Variants in CCDC121 observed in about 807,000 individuals in gnomAD.
The protein encoded by CCDC121 is coiled-coil domain containing 121, also known as coiled-coil domain-containing protein 121.
For synonymous variants in CCDC121, 108 were observed against 120.0 expected (o/e 0.90, Z 0.65); for missense variants, 238 against 304.1 (o/e 0.78, Z 1.62).
chr2:27,626,718 T>C lies in CCDC121; in HGVS notation c.*245A>G, dbSNP rs1673287919. ...AAATGGCTAGGTTAGGGTCATGTGT[T>C]AGGTTAACTGGAGGTTTGTGGAATA... On this transcript the variant is annotated 3_prime_UTR_variant, in exon 2 of 2. Transcript: ENST00000324364. 1 of 413,914 alleles carries C rather than the reference T, an allele frequency of 2.4e-6. No homozygotes were observed. Among genetic ancestry groups the C allele is most frequent in the African/African-American group, 2.0e-5 (1 of 49,216 alleles). The allele number at this position is 413,914 out of a possible 1,614,324, so 25.6% of individuals were successfully genotyped here.
rs1673293913 is a variant in CCDC121 at position 27,626,876 on chromosome 2, T to G, written c.*87A>C. On this transcript the variant is annotated 3_prime_UTR_variant, in exon 2 of 2. Transcript: ENST00000324364. ...TGATGGAGATTTTACAATAGCAATCTGGAATCCAACAGCCTTTCTAACCAG... is the reference window on the plus strand; with the variant it reads ...TGATGGAGATTTTACAATAGCAATCGGGAATCCAACAGCCTTTCTAACCAG... 1.1e-6 allele frequency: 1 copy of G among 939,278 alleles called. No individual in the cohort carries two copies. Among genetic ancestry groups the G allele is most frequent in the Non-Finnish European group, 1.6e-6 (1 of 615,432 alleles). The allele number at this position is 939,278 out of a possible 1,614,324, so 58.2% of individuals were successfully genotyped here. A position where few individuals can be genotyped will look rare whatever the true frequency, so the allele number is the denominator to read the frequency against.
chr2:27,628,235 G>T (rs771624831), intron 1 of CCDC121: 70 of 735,998 alleles, frequency 9.5e-5, no homozygotes, highest in Admixed American at 2.0e-4. Context: ...CAGATCTTAT[G>T]ACTTACTGAA....
At chr2:27,628,864 C>A (rs1445989063) in intron 1 of CCDC121, 86 bp downstream of exon 1, 1 of 1,465,022 alleles carries the variant, frequency 6.8e-7, no homozygotes, top group Non-Finnish European at 9.0e-7. Flanking sequence ...TGCTCAGCGC[C>A]CCCACTTCCT....
chr2:27,626,807 G>A lies in CCDC121; in HGVS notation c.*156C>T, dbSNP rs1673291706. 1.6e-6 allele frequency: 1 copy of A among 606,254 alleles called. No homozygotes were observed. Among genetic ancestry groups the A allele is most frequent in the Non-Finnish European group, 2.9e-6 (1 of 339,784 alleles). 37.6% of individuals were successfully genotyped at this position (606,254 alleles called of 1,614,324 possible). ...GAAGCTGGTTACCAAATATCTAGTA[G>A]GACTGTTGGATAAAACCATCTAATC... On this transcript the variant is annotated 3_prime_UTR_variant, in exon 2 of 2. Coordinates refer to ENST00000324364, the MANE Select transcript of CCDC121 (RefSeq NM_024584.5).
chr2:27,627,086 C>T lies in CCDC121; in HGVS notation c.714G>A (p.Glu238=). ...GTCTCTGCCTCGCCTGGATTAAGGA[C>T]TCCAGATACCACTGTTCCTGCTGCA... ...QQLQQEQWYL[E]SLIQARQRLQ... is the part of the protein sequence containing the mutation. The change falls in exon 2 of 2, where the codon GAG becomes GAA. Residue 238 remains glutamate (E), a synonymous_variant. Coordinates refer to ENST00000324364, the MANE Select transcript of CCDC121 (RefSeq NM_024584.5). 6.2e-7 allele frequency: 1 copy of T among 1,614,200 alleles called. No individual in the cohort carries two copies. Among genetic ancestry groups the T allele is most frequent in the Non-Finnish European group, 8.5e-7 (1 of 1,180,022 alleles).
chr2:27,627,731 C>G lies in CCDC121; in HGVS notation c.69G>C (p.Arg23Ser). Residue 23 changes from arginine to serine, a missense_variant, in exon 2 of 2, where the codon AGG becomes AGC. Physicochemically the swap from Arg to Ser is moderately radical, Grantham distance 110 (BLOSUM62 -1). Transcript: ENST00000324364. ...TQRKQLLEES[R>S]ELHREKLLVQ... ...CAAGTAACTTTTCTCGGTGTAGCTC[C>G]CTGGATTCCTCCAGTAGCTGTTTCC... is the stretch of plus-strand genomic sequence containing the variant. The G allele has an allele frequency of 6.2e-7, 1 of 1,613,660 alleles. No individual in the cohort carries two copies. The highest frequency in any genetic ancestry group is 8.5e-7 in the Non-Finnish European group (1 of 1,179,940).
Position 27,627,400 on chromosome 2 carries a change from C to T in CCDC121, c.400G>A (p.Glu134Lys), listed in dbSNP as rs1371397723. Residue 134 changes from glutamate to lysine, a missense_variant, in exon 2 of 2, where the codon GAG becomes AAG. By Grantham distance (56) the Glu-to-Lys change is moderately conservative. Transcript: ENST00000324364. Reference sequence around the variant, plus strand: ...ACTTCCCGTGTCTTTGAAGCTGTCTCAGCTTGGACTTTCTTTGTCTCCTCC... The same window carrying T: ...ACTTCCCGTGTCTTTGAAGCTGTCTTAGCTTGGACTTTCTTTGTCTCCTCC... ...LQEETKKVQA[E>K]TASKTREVQA... 1.9e-6 allele frequency: 3 copies of T among 1,614,104 alleles called. No homozygotes were observed. The highest frequency in any genetic ancestry group is 2.7e-5 in the African/African-American group (2 of 74,930).
At position 27,626,056 on chromosome 2, in the gene CCDC121, A is replaced by G. The variant is rs1471060861; in HGVS notation, c.*907T>C. On this transcript the variant is annotated 3_prime_UTR_variant, in exon 2 of 2. Transcript: ENST00000324364. ...GGGAATAAACATATGGCACACATTA[A>G]TTACAAAGGATACTTCATGTACTAG... 1 of 152,302 alleles carries G rather than the reference A, an allele frequency of 6.6e-6. No homozygotes were observed. Among genetic ancestry groups the G allele is most frequent in the Non-Finnish European group, 1.5e-5 (1 of 68,030 alleles). 9.4% of individuals were successfully genotyped at this position (152,302 alleles called of 1,614,324 possible).
At chr2:27,627,984 C>G (rs1673349020) in intron 1 of CCDC121, 67 bp from the exon 2 acceptor site, 3 of 1,055,072 alleles carry the variant, frequency 2.8e-6, no homozygotes. Context: ...GCACAACTGT[C>G]CTTCATTCAT....
rs575792162 is a variant in CCDC121, at chr2:27,625,995, A to G, written c.*968T>C. 1.0e-3 allele frequency: 158 copies of G among 151,930 alleles called. No individual in the cohort carries two copies. The highest frequency in any genetic ancestry group is 3.4e-3 in the African/African-American group (142 of 41,372). The allele number at this position is 151,930 out of a possible 1,614,324, so 9.4% of individuals were successfully genotyped here. ...AAAAAAATATAACTATCCTAAAAAT[A>G]TATAATTTAAAATATAATTTATAGT... On this transcript the variant is annotated 3_prime_UTR_variant, in exon 2 of 2. Coordinates refer to ENST00000324364, the MANE Select transcript of CCDC121 (RefSeq NM_024584.5).
At position 27,626,304 on chromosome 2, in the gene CCDC121, T is replaced by A. The variant is rs1359819770; in HGVS notation, c.*659A>T. ...CAGGTGTTTCTTCAAATAAAACATT[T>A]TCAAAAGTAAGAGCTGACCTAATAT... On this transcript the variant is annotated 3_prime_UTR_variant, in exon 2 of 2. Coordinates refer to ENST00000324364, the MANE Select transcript of CCDC121 (RefSeq NM_024584.5). 1 of 152,358 alleles carries A rather than the reference T, an allele frequency of 6.6e-6. No homozygotes were observed. Among genetic ancestry groups the A allele is most frequent in the East Asian group, 1.9e-4 (1 of 5,338 alleles). The allele number at this position is 152,358 out of a possible 1,614,324, so 9.4% of individuals were successfully genotyped here.
rs759153977 is a variant in CCDC121, at chr2:27,627,436, G to A, written c.364C>T (p.Gln122Ter). 2.5e-6 allele frequency: 4 copies of A among 1,614,132 alleles called. No individual in the cohort carries two copies. In the South Asian group the frequency reaches 3.3e-5, roughly 13 times the overall value. ...ILKEKQEKEI[Q>*]TLQEETKKVQ... ...TTCTTTGTCTCCTCCTGTAATGTCT[G>A]TATTTCTTTCTCCTGCTTTTCCTTT... Residue 122 changes from glutamine to a stop codon, truncating the protein, a stop_gained, in exon 2 of 2, where the codon CAG (glutamine) becomes TAG (stop). Coordinates refer to ENST00000324364, the MANE Select transcript of CCDC121 (RefSeq NM_024584.5). LOFTEE classifies it low-confidence loss of function (END_TRUNC).
chr2:27,629,000 CG>C lies in CCDC121; in HGVS notation c.-170del, dbSNP rs757949322. 6 of 1,608,532 alleles carry C rather than the reference CG, an allele frequency of 3.7e-6. No homozygotes were observed. Among genetic ancestry groups the C allele is most frequent in the Non-Finnish European group, 5.1e-6 (6 of 1,177,194 alleles). On this transcript the variant is annotated 5_prime_UTR_variant, in exon 1 of 2. Coordinates refer to ENST00000324364, the MANE Select transcript of CCDC121 (RefSeq NM_024584.5). ...TTTTCGTTCGCAGCCCAGAACATTG[CG>C]GAAGTTTCTCTACCCATGCGGTGTC...
At position 27,627,414 on chromosome 2, in the gene CCDC121, T is replaced by C; in HGVS notation, c.386A>G (p.Lys129Arg). Residue 129 changes from lysine (K) to arginine (R), a missense_variant, in exon 2 of 2, where the codon AAG becomes AGG. Transcript: ENST00000324364. ...KEIQTLQEET[K>R]KVQAETASKT... ...TGAAGCTGTCTCAGCTTGGACTTTC[T>C]TTGTCTCCTCCTGTAATGTCTGTAT... is the stretch of plus-strand genomic sequence containing the variant. 1 of 1,614,220 alleles carries C rather than the reference T, an allele frequency of 6.2e-7. No individual in the cohort carries two copies.
At chr2:27,628,821 CT>C (rs1360879593) in intron 1 of CCDC121, 128 bp downstream of exon 1, 4 of 1,481,710 alleles carry the variant, frequency 2.7e-6, no homozygotes, top group Admixed American at 2.5e-5. Context: ...GATCAGCGCC[CT>C]TTTCCTAGCT....
At position 27,627,373 on chromosome 2, in the gene CCDC121, G is replaced by A. The variant is rs1329407909; in HGVS notation, c.427C>T (p.Gln143Ter). The A allele has an allele frequency of 1.2e-6, 2 of 1,614,136 alleles. No homozygotes were observed. The highest frequency in any genetic ancestry group is 1.7e-6 in the Non-Finnish European group (2 of 1,180,008). ...AETASKTREV[Q>*]AQLLQEKRLL... ...CTTTTCTCCTGGAGGAGCTGGGCCT[G>A]TACTTCCCGTGTCTTTGAAGCTGTC... Residue 143 changes from glutamine to a stop codon, truncating the protein, a stop_gained, in exon 2 of 2, where the codon CAG (glutamine) becomes TAG (stop). Transcript: ENST00000324364. LOFTEE classifies it low-confidence loss of function (END_TRUNC).
chr2:27,625,882 C>A lies in CCDC121; in HGVS notation c.*1081G>T, dbSNP rs553727501. The A allele has an allele frequency of 3.9e-5, 6 of 152,080 alleles. No homozygotes were observed. The highest frequency in any genetic ancestry group is 7.4e-5 in the Non-Finnish European group (5 of 67,966). 9.4% of individuals were successfully genotyped at this position (152,080 alleles called of 1,614,324 possible). A position where few individuals can be genotyped will look rare whatever the true frequency, so the allele number is the denominator to read the frequency against. ...TTCATCCTATTTTCCCATAGAGGAC[C>A]CCTGTTAAAATATAAGATTATATTC... is the stretch of plus-strand genomic sequence containing the variant. On this transcript the variant is annotated 3_prime_UTR_variant, in exon 2 of 2. Coordinates refer to ENST00000324364, the MANE Select transcript of CCDC121 (RefSeq NM_024584.5).
Position 27,627,330 on chromosome 2 carries a change from A to G in CCDC121, c.470T>C (p.Leu157Pro). 6.2e-7 allele frequency: 1 copy of G among 1,613,814 alleles called. No homozygotes were observed. Among genetic ancestry groups the G allele is most frequent in the Non-Finnish European group, 8.5e-7 (1 of 1,179,856 alleles). ...LQEKRLLEKQLSEPDRRLLGK... is the reference protein window; with the variant it reads ...LQEKRLLEKQPSEPDRRLLGK... ...CAGTAGCCTCCTGTCTGGCTCGCTC[A>G]GTTGTTTCTCCAGTAATCTTTTCTC... The change falls in exon 2 of 2, where the codon CTG becomes CCG. Residue 157 changes from leucine to proline, a missense_variant. By Grantham distance (98) the Leu-to-Pro change is moderately conservative (BLOSUM62 -3). Coordinates refer to ENST00000324364, the MANE Select transcript of CCDC121 (RefSeq NM_024584.5).
At position 27,627,792 on chromosome 2, in the gene CCDC121, T is replaced by C. The variant is rs754587918; in HGVS notation, c.8A>G (p.Asp3Gly). Residue 3 changes from aspartate (D) to glycine (G), a missense_variant, in exon 2 of 2, where the codon GAT (aspartate) becomes GGT (glycine). Coordinates refer to ENST00000324364, the MANE Select transcript of CCDC121 (RefSeq NM_024584.5). ...AGCTTGTTTTATATGCTTGTTCAGATCCGTCATTTCCGCCACTATCTTTTC... is the reference window on the plus strand; with the variant it reads ...AGCTTGTTTTATATGCTTGTTCAGACCCGTCATTTCCGCCACTATCTTTTC... Reference protein sequence around the residue: MTDLNKHIKQAQT... With the variant: MTGLNKHIKQAQT... The C allele has an allele frequency of 1.2e-6, 2 of 1,614,164 alleles. No individual in the cohort carries two copies. Among genetic ancestry groups the C allele is most frequent in the Non-Finnish European group, 1.7e-6 (2 of 1,180,022 alleles).
Sources: gnomAD v4.1 joint callset for allele counts on GRCh38, gnomAD v4.1.1 for gene constraint, MANE v1.5 for transcripts, NCBI Gene and HGNC (gene_info 2026-07-23, HGNC 2026-07-21) for gene names.